The following TBP variants were observed in gnomAD, a reference collection of about 807,000 sequenced individuals.
TBP encodes the protein TATA-box binding protein, also known as TATA-box-binding protein.
Under a neutral mutation model 46.2 loss-of-function variants are expected in TBP, and 12 were observed. The ratio of observed to expected loss-of-function variants is 0.26; its 90% CI spans 0.17 to 0.42. TBP has a LOEUF of 0.42. TBP is among the 10% of genes least tolerant of loss of function. The pLI is 1.00. For synonymous variants in TBP, 157 were observed against 148.3 expected, an observed-to-expected ratio of 1.06 and a Z score of -0.42; for missense variants, 229 against 403.1, an observed-to-expected ratio of 0.57 and a Z score of 3.70.
At chr6:170,558,203 C>G (rs1183083400) in intron 2 of TBP, among the ~76,000 whole-genome samples, 4 of 152,180 alleles carry the variant, frequency 2.6e-5, no homozygotes, top group Non-Finnish European at 4.4e-5. Flanking sequence ...TTTTACTTCT[C>G]ATGGGTAAAT....
intron 2 of TBP, among the ~76,000 whole-genome samples, chr6:170,557,371 C>T (rs1219877339): frequency 1.3e-5 from 2 of 152,070 alleles, no homozygotes; most frequent in Admixed American, 6.5e-5. Flanking sequence ...GAAAATCACC[C>T]TCACCAAATT....
chr6:170,565,623 T>A (rs9348343), intron 4 of TBP, among the ~76,000 whole-genome samples: 82,536 of 152,092 alleles, frequency 0.54, 22,802 homozygotes, highest in East Asian at 0.79. Flanking sequence ...TTACTTTACG[T>A]TCTTAAGTGA....
intron 5 of TBP, among the ~76,000 whole-genome samples, chr6:170,568,453 T>TTTG (rs141778159): frequency 6.6e-6 from 1 of 151,422 alleles, no homozygotes; most frequent in Non-Finnish European, 1.5e-5. Context: ...CACATTCTTT[T>TTTG]TTGTTGTTGT....
At chr6:170,572,075 C>T (rs1779375445) in intron 7 of TBP, 111 bp from the exon 8 acceptor site, 1 of 810,108 alleles carries the variant, frequency 1.2e-6, no homozygotes, top group African/African-American at 1.7e-5. Flanking sequence ...CTTAATCTGA[C>T]TGGGTATGGT....
intron 3 of TBP, among the ~76,000 whole-genome samples, chr6:170,564,215 G>A (rs1583129726): frequency 6.6e-6 from 1 of 152,162 alleles, no homozygotes; most frequent in Non-Finnish European, 1.5e-5. Flanking sequence ...CTAAGGGCAG[G>A]CTCTGGAGAC....
At position 170,571,519 on chromosome 6, in the gene TBP, G is replaced by A; in HGVS notation, c.940+15G>A. The A allele has an allele frequency of 6.4e-7, 1 of 1,572,924 alleles. No homozygotes were observed. The highest frequency in any genetic ancestry group is 8.7e-7 in the Non-Finnish European group (1 of 1,143,256). On this transcript the variant is annotated intron_variant, in intron 7 of 7. Coordinates refer to ENST00000392092, the MANE Select transcript of TBP (RefSeq NM_003194.5). Reference sequence around the variant, plus strand: ...TGTATTAACAGGTAAGTTGTAACAGGAAGTAGTATCTGAAAGTTTGTAAGT... The same window carrying A: ...TGTATTAACAGGTAAGTTGTAACAGAAAGTAGTATCTGAAAGTTTGTAAGT...
chr6:170,569,345 G>A (rs1413489976), intron 5 of TBP, among the ~76,000 whole-genome samples: 1 of 152,160 alleles, frequency 6.6e-6, no homozygotes, highest in African/African-American at 2.4e-5. Context: ...GACTGATGAT[G>A]GTGATAATTC....
chr6:170,562,348 T>C, intron 3 of TBP, 115 bp downstream of exon 3: 1 of 1,200,708 alleles, frequency 8.3e-7, no homozygotes, highest in Non-Finnish European at 1.1e-6. Flanking sequence ...TAACGGTAAT[T>C]GTGTATCAAA....
intron 3 of TBP, among the ~76,000 whole-genome samples, 170 bp downstream of exon 3, chr6:170,562,403 A>G (rs1275361529): frequency 6.6e-6 from 1 of 152,210 alleles, no homozygotes; most frequent in Non-Finnish European, 1.5e-5. Context: ...AAGCTATCTT[A>G]GTCAGTGTCC....
At position 170,562,247 on chromosome 6, in the gene TBP, G is replaced by T. The variant is rs1779163674; in HGVS notation, c.497+14G>T. On this transcript the variant is annotated intron_variant, in intron 3 of 7. Transcript: ENST00000392092. ...ACCGCAGCTGCAGTGAGTACTTCGT[G>T]TTTTATGTTTCCTCCCACTTAGGAG... The T allele has an allele frequency of 6.2e-7, 1 of 1,607,210 alleles. No individual in the cohort carries two copies. The highest frequency in any genetic ancestry group is 8.5e-7 in the Non-Finnish European group (1 of 1,174,750).
chr6:170,565,562 GAATT>G (rs1443332587), intron 4 of TBP, among the ~76,000 whole-genome samples: 1 of 152,100 alleles, frequency 6.6e-6, no homozygotes, highest in Non-Finnish European at 1.5e-5. Context: ...AGCATTCTAA[GAATT>G]AATCTTTCAT....
chr6:170,555,424 C>G (rs184745751), intron 1 of TBP, among the ~76,000 whole-genome samples: 3 of 151,974 alleles, frequency 2.0e-5, no homozygotes, highest in Admixed American at 6.5e-5. Context: ...ACATTGAAAA[C>G]TCCTGATAGT....
chr6:170,562,024 A>T lies in TBP; in HGVS notation c.288A>T (p.Ala96=). Reference sequence around the variant, plus strand: ...AGCAGCAGCAGCAGCAGCAACAGGCAGTGGCAGCTGCAGCCGTTCAGCAGT... The same window carrying T: ...AGCAGCAGCAGCAGCAGCAACAGGCTGTGGCAGCTGCAGCCGTTCAGCAGT... The part of the protein sequence containing the change: ...QQQQQQQQQQ[A]VAAAAVQQST... Residue 96 remains alanine, a synonymous_variant, in exon 3 of 8, where the codon GCA becomes GCT. Transcript: ENST00000392092. 1 of 1,611,188 alleles carries T rather than the reference A, an allele frequency of 6.2e-7. No homozygotes were observed. The highest frequency in any genetic ancestry group is 8.5e-7 in the Non-Finnish European group (1 of 1,179,064).
At chr6:170,562,549 C>T (rs535707819) in intron 3 of TBP, among the ~76,000 whole-genome samples, 1 of 151,910 alleles carries the variant, frequency 6.6e-6, no homozygotes, top group East Asian at 2.0e-4. Context: ...ATCGCTAAAT[C>T]ACAATGTTAG....
Position 170,565,171 on chromosome 6 carries a change from A to G in TBP, c.585+539A>G, listed in dbSNP as rs1036658361. On this transcript the variant is annotated intron_variant, in intron 4 of 7. Transcript: ENST00000392092. The stretch of plus-strand genomic sequence containing the variant: ...ACTCCGCCTCAAAAAAAAAATCTGT[A>G]TATCAAAGAGTTTGTGTTATGCTTA... Among the ~76,000 whole-genome samples the G allele has an allele frequency of 6.6e-5, 10 of 152,324 alleles. No individual in the cohort carries two copies. The South Asian group carries it at 1.9e-3, about 28-fold the overall frequency.
Position 170,561,946 on chromosome 6 carries a change from GCAGCAACAGCAA to G in TBP, c.216_227del (p.Gln92_Gln95del), listed in dbSNP as rs761572437. The stretch of plus-strand genomic sequence containing the variant: ...AACAACAGCAGCAGCAGCAGCAGCA[GCAGCAACAGCAA>G]CAGCAGCAGCAGCAGCAGCAGCAGC... On this transcript the variant is annotated inframe_deletion, in exon 3 of 8. Transcript: ENST00000392092. 321 of 1,570,976 alleles carry G rather than the reference GCAGCAACAGCAA, an allele frequency of 2.0e-4. No individual in the cohort carries two copies. The African/African-American group carries it at 3.9e-3, about 19-fold the overall frequency.
At position 170,556,949 on chromosome 6, in the gene TBP, G is replaced by A; in HGVS notation, c.-81G>A. 7.5e-7 allele frequency: 1 copy of A among 1,337,588 alleles called. No homozygotes were observed. Among genetic ancestry groups the A allele is most frequent in the Non-Finnish European group, 1.1e-6 (1 of 931,410 alleles). The allele number at this position is 1,337,588 out of a possible 1,614,324, so 82.9% of individuals were successfully genotyped here. A position where few individuals can be genotyped will look rare whatever the true frequency, so the allele number is the denominator to read the frequency against. On this transcript the variant is annotated 5_prime_UTR_variant, in exon 2 of 8. Transcript: ENST00000392092. ...GGAAGTTGCTGAGAAGAGTGTGCTG[G>A]AGATGCTCTAGGAAAAAATTGAATA...
chr6:170,556,797 T>C (rs1026631933), intron 1 of TBP, 85 bp from the exon 2 acceptor site: 14 of 380,440 alleles, frequency 3.7e-5, no homozygotes, highest in Non-Finnish European at 5.6e-5. Flanking sequence ...CATGTTTGTG[T>C]TTTGTATAGC....
At chr6:170,569,839 G>A (rs1779338870) in intron 6 of TBP, 60 bp downstream of exon 6, 1 of 1,508,178 alleles carries the variant, frequency 6.6e-7, no homozygotes, top group Non-Finnish European at 9.0e-7. Context: ...TCTAAACATT[G>A]TTCAGAATAA....
Sources: gnomAD v4.1 joint callset for allele counts (sites outside exome capture counted in the v4.1 genomes callset) on GRCh38, gnomAD v4.1.1 for gene constraint, MANE v1.5 for transcripts, NCBI Gene and HGNC (gene_info 2026-07-23, HGNC 2026-07-21) for gene names.